Variants in C4orf51 observed in about 807,000 individuals in gnomAD.
C4orf51 encodes the protein chromosome 4 open reading frame 51.
A neutral mutation model predicts 25.2 loss-of-function variants in C4orf51; 25 were observed. The observed-to-expected ratio is 0.99, with a 90% CI of 0.72 to 1.39. The LOEUF (loss-of-function observed/expected upper bound fraction) is 1.39. Ranked by LOEUF, C4orf51 falls within the 40% of genes most tolerant of loss-of-function variation. The probability of loss-of-function intolerance (pLI) is 0.00; values close to 1 mark genes in which losing one functional copy is unlikely to be tolerated. For missense variants in C4orf51, 252 were observed against 239.6 expected, an observed-to-expected ratio of 1.05 and a Z score of -0.34; for synonymous variants, 100 against 84.5, an observed-to-expected ratio of 1.18 and a Z score of -1.01.
chr4:145,743,613 A>C (rs1264945166), intron 1 of C4orf51, among the ~76,000 whole-genome samples: 1 of 152,236 alleles, frequency 6.6e-6, no homozygotes, highest in Non-Finnish European at 1.5e-5. Context: ...GGACTTTCTT[A>C]GTGCTGCTAG....
intron 5 of C4orf51, among the ~76,000 whole-genome samples, chr4:145,731,878 G>A (rs894728174): frequency 2.0e-5 from 3 of 150,786 alleles, no homozygotes; most frequent in Non-Finnish European, 3.0e-5. Context: ...CACCATGCCC[G>A]GCCGAGACAA....
chr4:145,749,930 G>A (rs548484428), intron 1 of C4orf51, among the ~76,000 whole-genome samples: 30 of 152,124 alleles, frequency 2.0e-4, no homozygotes, highest in African/African-American at 4.8e-4. Flanking sequence ...CACCGTGCCC[G>A]TCCATCACCC....
intron 1 of C4orf51, among the ~76,000 whole-genome samples, chr4:145,682,300 G>GCA (rs1171804270): frequency 3.3e-5 from 5 of 152,304 alleles, no homozygotes; most frequent in African/African-American, 1.2e-4. Flanking sequence ...TGAAGATGAA[G>GCA]CACAAATTGA....
intron 1 of C4orf51, among the ~76,000 whole-genome samples, chr4:145,769,840 G>A (rs1047328935): frequency 1.3e-5 from 2 of 152,072 alleles, no homozygotes; most frequent in Non-Finnish European, 2.9e-5. Context: ...CCTAAATATT[G>A]CACAATTTTA....
chr4:145,778,618 A>G, the C4orf51 span, among the ~76,000 whole-genome samples: 1 of 152,056 alleles, frequency 6.6e-6, no homozygotes, highest in Admixed American at 6.5e-5. Context: ...TCTTGGGGGA[A>G]AAAAAAGACA....
intron 3 of C4orf51, among the ~76,000 whole-genome samples, chr4:145,727,901 A>ATATATATATATATATATATAAAATATAT (rs1732161942): frequency 3.5e-5 from 3 of 84,828 alleles, no homozygotes; most frequent in Non-Finnish European, 6.2e-5. Context: ...ATGTGTATAT[A>ATATATATATATATATATATAAAATATAT]TATATATATA....
intron 2 of C4orf51, among the ~76,000 whole-genome samples, chr4:145,717,435 A>C (rs987406031): frequency 1.3e-5 from 2 of 152,274 alleles, no homozygotes; most frequent in African/African-American, 4.8e-5. Flanking sequence ...GTAACAATAC[A>C]TCAAAGCAGA....
At chr4:145,696,029 C>A (rs1021668062) in intron 1 of C4orf51, among the ~76,000 whole-genome samples, 9 of 152,146 alleles carry the variant, frequency 5.9e-5, no homozygotes, top group African/African-American at 1.7e-4. Context: ...GTAATCCCAG[C>A]AAGGTGGGCA....
downstream of C4orf51, among the ~76,000 whole-genome samples, chr4:145,734,407 T>C (rs1252207873): frequency 6.7e-6 from 1 of 148,358 alleles, no homozygotes; most frequent in East Asian, 2.1e-4. Flanking sequence ...GCGGCCTAAT[T>C]TGGGGATGGG....
intron 1 of C4orf51, among the ~76,000 whole-genome samples, chr4:145,692,317 T>C (rs892862143): frequency 6.6e-5 from 10 of 152,326 alleles, no homozygotes; most frequent in African/African-American, 2.4e-4. Flanking sequence ...CCAGGTGACA[T>C]GCTGTATAAT....
At chr4:145,774,499 T>C, downstream of C4orf51, 6 of 1,607,778 alleles carry the variant, frequency 3.7e-6, no homozygotes, top group Non-Finnish European at 5.1e-6. Flanking sequence ...CAGACAGGAA[T>C]GGTCACCTGT....
At chr4:145,740,013 G>A (rs1218284912) in intron 1 of C4orf51, among the ~76,000 whole-genome samples, 1 of 152,206 alleles carries the variant, frequency 6.6e-6, no homozygotes, top group Non-Finnish European at 1.5e-5. Flanking sequence ...AATGAAGGCA[G>A]AAGATGCAAA....
chr4:145,687,009 G>T (rs1012322481), intron 1 of C4orf51, among the ~76,000 whole-genome samples: 1 of 147,824 alleles, frequency 6.8e-6, no homozygotes, highest in African/African-American at 2.5e-5. Context: ...TTGTGGGGGG[G>T]GCGGTTTCCT....
chr4:145,741,171 C>T (rs1733076438), intron 1 of C4orf51, among the ~76,000 whole-genome samples: 1 of 152,094 alleles, frequency 6.6e-6, no homozygotes, highest in Non-Finnish European at 1.5e-5. Flanking sequence ...TGTAATATTC[C>T]GGAATTTGGT....
intron 1 of C4orf51, chr4:145,759,439 C>A (rs771379229): frequency 2.0e-5 from 3 of 152,130 alleles, no homozygotes; most frequent in Non-Finnish European, 4.4e-5. Flanking sequence ...AAGTTAGCCT[C>A]CTAGCAGGTT....
At position 145,760,499 on chromosome 4, in the gene C4orf51, A is replaced by G. The variant is rs111734519; in HGVS notation, n.167-10489A>G. On this transcript the variant is annotated intron_variant and non_coding_transcript_variant, in intron 1 of 1. Transcript: ENST00000510096. ...AGTACGGAGAAGGGCTGAGAGTGGGAGTGGGTGGCTGGGGAGGCATGCCTC... is the reference window on the plus strand; with the variant it reads ...AGTACGGAGAAGGGCTGAGAGTGGGGGTGGGTGGCTGGGGAGGCATGCCTC... 935 of 155,730 alleles carry G rather than the reference A, an allele frequency of 6.0e-3. 10 individuals are homozygous for G. Among genetic ancestry groups the G allele is most frequent in the African/African-American group, 0.021 (868 of 41,556 alleles). The allele number at this position is 155,730 out of a possible 1,614,324, so 9.6% of individuals were successfully genotyped here.
chr4:145,751,679 A>G (rs1733684482), intron 1 of C4orf51, among the ~76,000 whole-genome samples: 1 of 152,214 alleles, frequency 6.6e-6, no homozygotes, highest in Non-Finnish European at 1.5e-5. Flanking sequence ...CTAGGGCTGT[A>G]CGATCATCAA....
At chr4:145,738,146 T>C (rs1732900679) in intron 1 of C4orf51, among the ~76,000 whole-genome samples, 1 of 152,178 alleles carries the variant, frequency 6.6e-6, no homozygotes, top group African/African-American at 2.4e-5. Context: ...GCTCTTTGGA[T>C]GCATATTAAA....
intron 2 of C4orf51, 76 bp from the exon 3 acceptor site, chr4:145,726,835 A>T (rs1732088883): frequency 8.4e-7 from 1 of 1,195,540 alleles, no homozygotes; most frequent in East Asian, 2.3e-5. Flanking sequence ...TTGTGGTAAT[A>T]GCCTAATTGG....
Sources: gnomAD v4.1 joint callset for allele counts (sites outside exome capture counted in the v4.1 genomes callset) on GRCh38, gnomAD v4.1.1 for gene constraint, MANE v1.5 for transcripts, NCBI Gene and HGNC (gene_info 2026-07-23, HGNC 2026-07-21) for gene names.